Variants in MITF observed in about 807,000 individuals in gnomAD.
MITF encodes microphthalmia-associated transcription factor.
A neutral mutation model predicts 60.5 loss-of-function variants in MITF; 17 were observed. That is an observed-to-expected ratio of 0.28 (90% confidence interval 0.19 to 0.42). The LOEUF (loss-of-function observed/expected upper bound fraction) is 0.42, where lower values mean the gene tolerates loss of function less well. Ranked by LOEUF, MITF falls within the 10% of genes least tolerant of loss-of-function variation. The pLI is 1.00. For missense variants in MITF, 622 were observed against 683.5 expected (o/e 0.91, Z 1.00); for synonymous variants, 260 against 248.5 (o/e 1.05, Z -0.43).
intron 1 of MITF, among the ~76,000 whole-genome samples, chr3:69,765,052 G>A (rs2062269151): frequency 6.6e-6 from 1 of 152,192 alleles, no homozygotes; most frequent in African/African-American, 2.4e-5. Context: ...TGTGCACACA[G>A]GATGGCTGGG....
At chr3:69,823,211 T>G (rs180898723) in intron 1 of MITF, among the ~76,000 whole-genome samples, 42 of 152,306 alleles carry the variant, frequency 2.8e-4, no homozygotes, top group Admixed American at 2.7e-3. Flanking sequence ...TTTCTGTGTC[T>G]TTAGACTTAA....
At chr3:69,802,389 G>A (rs917558895) in intron 1 of MITF, among the ~76,000 whole-genome samples, 18 of 152,284 alleles carry the variant, frequency 1.2e-4, no homozygotes, top group East Asian at 1.9e-4. Context: ...TGATTCGTGC[G>A]TTTAGATGTT....
intron 1 of MITF, among the ~76,000 whole-genome samples, chr3:69,859,584 A>T (rs950121120): frequency 5.9e-5 from 9 of 152,110 alleles, no homozygotes; most frequent in Non-Finnish European, 1.5e-5. Context: ...AAGGTGGTCC[A>T]TGGAGGCCAC....
intron 1 of MITF, among the ~76,000 whole-genome samples, chr3:69,846,192 T>C (rs2063730949): frequency 2.4e-5 from 1 of 42,100 alleles, no homozygotes; most frequent in African/African-American, 5.3e-5. Context: ...TTAAATGAGA[T>C]CTAAATTAAA....
chr3:69,779,267 TGTGAAATTGG>T (rs1190102803), intron 1 of MITF, among the ~76,000 whole-genome samples: 1 of 152,200 alleles, frequency 6.6e-6, no homozygotes, highest in Admixed American at 6.5e-5. Context: ...TGGTTTGTTC[TGTGAAATTGG>T]GTGAAATTGG....
intron 2 of MITF, chr3:69,936,450 C>T: frequency 1.9e-6 from 1 of 519,564 alleles, no homozygotes; most frequent in Non-Finnish European, 3.1e-6. Context: ...TGACGTCAAG[C>T]CAGGGGGAAA....
At chr3:69,819,454 A>G (rs2063231820) in intron 1 of MITF, among the ~76,000 whole-genome samples, 1 of 152,202 alleles carries the variant, frequency 6.6e-6, no homozygotes, top group Non-Finnish European at 1.5e-5. Context: ...TCAGGCAGGC[A>G]TTGTTCCATT....
chr3:69,741,493 G>A (rs1292678103), intron 1 of MITF, among the ~76,000 whole-genome samples: 2 of 152,168 alleles, frequency 1.3e-5, no homozygotes, highest in South Asian at 2.1e-4. Context: ...TGAAACTCAT[G>A]TTGCACGATT....
At chr3:69,936,530 T>G (rs1232986063) in intron 2 of MITF, 2 of 1,328,968 alleles carry the variant, frequency 1.5e-6, no homozygotes, top group African/African-American at 3.0e-5. Flanking sequence ...GAACGTTTTT[T>G]TTTACATGCA....
intron 2 of MITF, among the ~76,000 whole-genome samples, chr3:69,919,937 G>A (rs555456438): frequency 2.0e-5 from 3 of 152,130 alleles, no homozygotes; most frequent in Non-Finnish European, 4.4e-5. Context: ...AGCTGTTCCA[G>A]TATAATAAAA....
At position 69,905,310 on chromosome 3, in the gene MITF, A is replaced by G. The variant is rs148496583; in HGVS notation, c.354+25927A>G. On this transcript the variant is annotated intron_variant, in intron 2 of 9. Coordinates refer to ENST00000352241, the MANE Select transcript of MITF (RefSeq NM_001354604.2). ...TTCAGCCATTTTGTGGCACGTATCAATATCTCATTCCTTTATATTGCCAAC... is the reference window on the plus strand; with the variant it reads ...TTCAGCCATTTTGTGGCACGTATCAGTATCTCATTCCTTTATATTGCCAAC... 4.1e-3 allele frequency among the ~76,000 whole-genome samples: 629 copies of G among 152,278 alleles called. 8 individuals carry two copies. Among genetic ancestry groups the G allele is most frequent in the African/African-American group, 0.014 (589 of 41,554 alleles).
At chr3:69,929,392 G>A (rs1265505235) in intron 2 of MITF, among the ~76,000 whole-genome samples, 1 of 152,094 alleles carries the variant, frequency 6.6e-6, no homozygotes, top group African/African-American at 2.4e-5. Context: ...CCTGGGGTGG[G>A]GTGGAGTGGG....
Position 69,936,041 on chromosome 3 carries a change from G to A in MITF, c.355-1781G>A, listed in dbSNP as rs188230754. ...TTCTGTGTGTGCTATGTTCTATTTA[G>A]GATAGTGCCCGGTCTTCCTGATGTG... On this transcript the variant is annotated intron_variant, in intron 2 of 9. Transcript: ENST00000352241. Among the ~76,000 whole-genome samples the A allele has an allele frequency of 2.6e-5, 4 of 152,138 alleles. No homozygotes were observed. In the East Asian group the frequency reaches 7.8e-4, roughly 29 times the overall value.
intron 1 of MITF, among the ~76,000 whole-genome samples, chr3:69,831,401 C>T (rs58711181): frequency 0.15 from 23,331 of 152,084 alleles, 2,082 homozygotes; most frequent in Non-Finnish European, 0.21. Context: ...CTTTTTCTCC[C>T]CTTGCCATGC....
chr3:69,948,309 A>G, intron 5 of MITF, among the ~76,000 whole-genome samples: 1 of 152,112 alleles, frequency 6.6e-6, no homozygotes, highest in East Asian at 1.9e-4. Flanking sequence ...CACATACACA[A>G]CCAAAGGAGG....
intron 1 of MITF, among the ~76,000 whole-genome samples, chr3:69,862,624 A>G (rs372450751): frequency 6.6e-6 from 1 of 152,238 alleles, no homozygotes; most frequent in African/African-American, 2.4e-5. Flanking sequence ...AAAATCCCTT[A>G]TCTCTTTTCT....
At chr3:69,939,076 G>T (rs2065908605) in intron 3 of MITF, 22 bp from the exon 4 acceptor site, 2 of 1,613,042 alleles carry the variant, frequency 1.2e-6, no homozygotes, top group East Asian at 4.5e-5. Context: ...GTTATAGACT[G>T]TTTTTGCTTG....
intron 2 of MITF, among the ~76,000 whole-genome samples, chr3:69,885,044 G>A (rs1219052480): frequency 5.9e-5 from 9 of 152,184 alleles, no homozygotes; most frequent in Admixed American, 5.9e-4. Context: ...GCATTTTCAT[G>A]TAACTGAGGG....
intron 2 of MITF, among the ~76,000 whole-genome samples, chr3:69,887,547 T>C (rs1361205011): frequency 6.6e-6 from 1 of 152,104 alleles, no homozygotes; most frequent in African/African-American, 2.4e-5. Flanking sequence ...TATTTATAAA[T>C]TTAGATGTTT....
Sources: gnomAD v4.1 joint callset for allele counts (sites outside exome capture counted in the v4.1 genomes callset) on GRCh38, gnomAD v4.1.1 for gene constraint, MANE v1.5 for transcripts, NCBI Gene and HGNC (gene_info 2026-07-23, HGNC 2026-07-21) for gene names.